The following LCP1 variants were observed in gnomAD, a reference collection of about 807,000 sequenced individuals.
The protein encoded by LCP1 is plastin-2.
Under a neutral mutation model 72.0 loss-of-function variants are expected in LCP1, and 23 were observed. The ratio of observed to expected loss-of-function variants is 0.32; its 90% CI spans 0.23 to 0.45. LCP1 has a LOEUF of 0.45. Ranked by LOEUF, LCP1 falls within the 20% of genes least tolerant of loss-of-function variation. The pLI is 1.00. For missense variants in LCP1, 571 were observed against 748.3 expected, an observed-to-expected ratio of 0.76 and a Z score of 2.76; for synonymous variants, 245 against 275.4, an observed-to-expected ratio of 0.89 and a Z score of 1.09.
rs117813320 is a variant in LCP1 at position 46,145,588 on chromosome 13, G to A, written c.1175-1068C>T. On this transcript the variant is annotated intron_variant, in intron 10 of 15. Transcript: ENST00000323076. ...GTTTGGTGACTAAAGAAAAAAAAAT[G>A]GTATGATTAATGGAAATGGAGCATT... Among the ~76,000 whole-genome samples the A allele has an allele frequency of 5.2e-3, 790 of 152,166 alleles. 4 individuals carry two copies. The highest frequency in any genetic ancestry group is 7.5e-3 in the Non-Finnish European group (507 of 68,000).
intron 13 of LCP1, 95 bp downstream of exon 13, chr13:46,142,196 CT>C: frequency 8.0e-7 from 1 of 1,257,254 alleles, no homozygotes; most frequent in Non-Finnish European, 1.1e-6. Context: ...TTAAAACATA[CT>C]TTTACTGAAT....
At chr13:46,133,639 G>A (rs1018816474) in intron 14 of LCP1, among the ~76,000 whole-genome samples, 2 of 148,924 alleles carry the variant, frequency 1.3e-5, no homozygotes, top group Non-Finnish European at 3.0e-5. Flanking sequence ...AAACAGATAT[G>A]AAAAGTAAAC....
chr13:46,177,145 G>T (rs540621524), intron 1 of LCP1, among the ~76,000 whole-genome samples: 63 of 152,312 alleles, frequency 4.1e-4, no homozygotes, highest in African/African-American at 1.3e-3. Flanking sequence ...AACCCAGTAA[G>T]TGGTTCACTT....
intron 1 of LCP1, among the ~76,000 whole-genome samples, chr13:46,162,845 G>A (rs1207945844): frequency 1.3e-5 from 2 of 151,962 alleles, no homozygotes; most frequent in Non-Finnish European, 2.9e-5. Flanking sequence ...GACCCCGTCT[G>A]GGAGGTGAGG....
intron 6 of LCP1, among the ~76,000 whole-genome samples, chr13:46,154,531 T>C (rs1275873123): frequency 2.6e-5 from 4 of 152,246 alleles, no homozygotes; most frequent in Non-Finnish European, 5.9e-5. Flanking sequence ...GATAAATTGC[T>C]AAGGAAAGCT....
In LCP1 at chr13:46,145,629, G is replaced by T. The variant is rs533312775; in HGVS notation, c.1175-1109C>A. Reference sequence around the variant, plus strand: ...ATGGAGCATTTCTAAAAGAGGGCAGGCCGGGCGCGGTGGCTCACGCCTGTA... The same window carrying T: ...ATGGAGCATTTCTAAAAGAGGGCAGTCCGGGCGCGGTGGCTCACGCCTGTA... On this transcript the variant is annotated intron_variant, in intron 10 of 15. Transcript: ENST00000323076. 5.1e-5 allele frequency among the ~76,000 whole-genome samples: 4 copies of T among 77,828 alleles called. 2 individuals are homozygous for T. Among genetic ancestry groups the T allele is most frequent in the Non-Finnish European group, 1.0e-4 (4 of 38,794 alleles). 51.1% of individuals were successfully genotyped at this position (77,828 alleles called of 152,430 possible).
chr13:46,180,599 T>C (rs9567638), intron 1 of LCP1, among the ~76,000 whole-genome samples: 7,488 of 152,288 alleles, frequency 0.049, 296 homozygotes, highest in African/African-American at 0.11. Flanking sequence ...GGGCAAGACC[T>C]AGAAGATTTT....
chr13:46,174,352 A>G lies in LCP1; in HGVS notation c.-25+7759T>C, dbSNP rs185310480. 4.8e-3 allele frequency among the ~76,000 whole-genome samples: 733 copies of G among 152,316 alleles called. 1 individual carries two copies. The highest frequency in any genetic ancestry group is 0.01 in the South Asian group (49 of 4,828). On this transcript the variant is annotated intron_variant, in intron 1 of 15. Transcript: ENST00000323076. Reference sequence around the variant, plus strand: ...AGTTGGTAAATATTTACCAATACCAACGTACAATGGAATATGTATAACATT... The same window carrying G: ...AGTTGGTAAATATTTACCAATACCAGCGTACAATGGAATATGTATAACATT...
intron 11 of LCP1, among the ~76,000 whole-genome samples, 179 bp downstream of exon 11, chr13:46,144,263 T>G (rs550965247): frequency 1.4e-4 from 22 of 152,330 alleles, no homozygotes; most frequent in African/African-American, 5.3e-4. Context: ...GAGACTGATG[T>G]ATGCAGGTGA....
chr13:46,179,545 A>T (rs530344533), intron 1 of LCP1, among the ~76,000 whole-genome samples: 257 of 152,332 alleles, frequency 1.7e-3, no homozygotes, highest in Non-Finnish European at 3.2e-3. Context: ...AATGCACACC[A>T]AAGAAACATT....
intron 15 of LCP1, among the ~76,000 whole-genome samples, chr13:46,129,163 A>G (rs1276534609): frequency 6.6e-6 from 1 of 152,228 alleles, no homozygotes; most frequent in African/African-American, 2.4e-5. Context: ...TCTTGCCACC[A>G]TGACATAACC....
intron 1 of LCP1, among the ~76,000 whole-genome samples, chr13:46,167,656 C>A (rs1036119242): frequency 6.6e-6 from 1 of 152,142 alleles, no homozygotes; most frequent in African/African-American, 2.4e-5. Flanking sequence ...CTCAGAGTAC[C>A]CCAAATGCAT....
chr13:46,168,240 T>C (rs904495776), intron 1 of LCP1, among the ~76,000 whole-genome samples: 1 of 152,232 alleles, frequency 6.6e-6, no homozygotes, highest in Non-Finnish European at 1.5e-5. Flanking sequence ...GTCCGTTCTA[T>C]GTTAAAAGTT....
chr13:46,180,663 T>C (rs1024392404), intron 1 of LCP1, among the ~76,000 whole-genome samples: 4 of 152,226 alleles, frequency 2.6e-5, no homozygotes, highest in Non-Finnish European at 5.9e-5. Flanking sequence ...CTTTGTAACA[T>C]ATGGGGTTGA....
chr13:46,158,495 C>G lies in LCP1; in HGVS notation c.358+27G>C, dbSNP rs765134809. ...GTTTAGAATCTGTAATCCTGAAATCCTGCTCCAACCCAGGAGTTGAGCCTA... is the reference window on the plus strand; with the variant it reads ...GTTTAGAATCTGTAATCCTGAAATCGTGCTCCAACCCAGGAGTTGAGCCTA... On this transcript the variant is annotated intron_variant, in intron 4 of 15. Transcript: ENST00000323076. 9 of 1,608,360 alleles carry G rather than the reference C, an allele frequency of 5.6e-6. No homozygotes were observed. In the African/African-American group the frequency reaches 8.0e-5, roughly 14 times the overall value.
chr13:46,143,066 T>C (rs913999302), intron 12 of LCP1, among the ~76,000 whole-genome samples: 2 of 152,226 alleles, frequency 1.3e-5, no homozygotes, highest in Non-Finnish European at 2.9e-5. Flanking sequence ...AATTTTTGCA[T>C]GATAATGTTT....
At chr13:46,175,530 T>G (rs2045924921) in intron 1 of LCP1, among the ~76,000 whole-genome samples, 1 of 152,084 alleles carries the variant, frequency 6.6e-6, no homozygotes, top group African/African-American at 2.4e-5. Flanking sequence ...GTACTGGAGA[T>G]ATGGTACTGG....
intron 1 of LCP1, among the ~76,000 whole-genome samples, chr13:46,173,796 C>A (rs745607660): frequency 2.6e-5 from 4 of 152,206 alleles, no homozygotes; most frequent in Non-Finnish European, 5.9e-5. Context: ...GGTGAAGGGG[C>A]TCCGGGCTTT....
intron 1 of LCP1, among the ~76,000 whole-genome samples, chr13:46,163,247 G>A (rs1161659384): frequency 6.6e-6 from 1 of 152,272 alleles, no homozygotes; most frequent in Non-Finnish European, 1.5e-5. Context: ...CTGTGTCTGT[G>A]TAGAAAGAAG....
Sources: gnomAD v4.1 joint callset for allele counts (sites outside exome capture counted in the v4.1 genomes callset) on GRCh38, gnomAD v4.1.1 for gene constraint, MANE v1.5 for transcripts, NCBI Gene and HGNC (gene_info 2026-07-23, HGNC 2026-07-21) for gene names.